The following FAT3 variants were observed in gnomAD, a reference collection of about 807,000 sequenced individuals.
FAT3 encodes protocadherin Fat 3.
A neutral mutation model predicts 310.2 loss-of-function variants in FAT3; 95 were observed. The ratio of observed to expected loss-of-function variants is 0.31; its 90% CI spans 0.26 to 0.36. FAT3 has a LOEUF of 0.36. Among genes scored for constraint, FAT3 ranks in the 10% least tolerant of loss-of-function variants. The probability of loss-of-function intolerance (pLI) is 1.00; values close to 1 mark genes in which losing one functional copy is unlikely to be tolerated. For synonymous variants in FAT3, 2,314 were observed against 2,192.9 expected (o/e 1.06, Z -1.54); for missense variants, 5,408 against 5,715.6 (o/e 0.95, Z 1.74).
intron 1 of FAT3, among the ~76,000 whole-genome samples, chr11:92,246,267 G>A (rs887396621): frequency 2.6e-5 from 4 of 152,060 alleles, no homozygotes; most frequent in Admixed American, 6.6e-5. Flanking sequence ...AAGAGGCTAC[G>A]AGGAAAACAA....
chr11:92,679,390 A>G (rs926792520), intron 3 of FAT3, among the ~76,000 whole-genome samples: 3 of 151,992 alleles, frequency 2.0e-5, no homozygotes, highest in African/African-American at 7.3e-5. Flanking sequence ...GTTTTCTATA[A>G]TGGCTAAACT....
chr11:92,665,507 C>A (rs2135806574), intron 3 of FAT3, among the ~76,000 whole-genome samples: 1 of 152,264 alleles, frequency 6.6e-6, no homozygotes, highest in Non-Finnish European at 1.5e-5. Flanking sequence ...TTTCAGAAGT[C>A]TCCTAGAGGT....
At chr11:92,417,965 A>C (rs1006376158) in intron 2 of FAT3, among the ~76,000 whole-genome samples, 1 of 152,114 alleles carries the variant, frequency 6.6e-6, no homozygotes, top group Non-Finnish European at 1.5e-5. Context: ...GTGCTTAATG[A>C]ATTCCTGTTG....
intron 19 of FAT3, among the ~76,000 whole-genome samples, chr11:92,854,131 G>T (rs1948907410): frequency 1.3e-5 from 2 of 152,186 alleles, no homozygotes; most frequent in Admixed American, 1.3e-4. Context: ...TGGGCCCAAG[G>T]TGGCAGCGGG....
rs1208420161 is a variant in FAT3 at position 92,706,836 on chromosome 11, ACT to A, written c.3669+9394_3669+9395del. ...TGAGCCTATGGCTGAGTCTTAAGAG[ACT>A]CTGTTGACATTGGAAATTACCACAT... On this transcript the variant is annotated intron_variant, in intron 4 of 27. Coordinates refer to ENST00000525166, the MANE Select transcript of FAT3 (RefSeq NM_001367949.2). 7.9e-5 allele frequency among the ~76,000 whole-genome samples: 12 copies of A among 152,224 alleles called. No homozygotes were observed. The South Asian group carries it at 2.5e-3, about 32-fold the overall frequency.
intron 2 of FAT3, among the ~76,000 whole-genome samples, chr11:92,395,450 C>T (rs1379504247): frequency 2.6e-5 from 4 of 152,194 alleles, no homozygotes; most frequent in Non-Finnish European, 5.9e-5. Context: ...CCAGCCTCAT[C>T]TCTTACCATG....
At chr11:92,437,817 T>G (rs562576098) in intron 2 of FAT3, among the ~76,000 whole-genome samples, 11 of 152,262 alleles carry the variant, frequency 7.2e-5, no homozygotes, top group African/African-American at 2.4e-4. Context: ...CAGTCTTGAA[T>G]GCCAGAACAT....
intron 1 of FAT3, among the ~76,000 whole-genome samples, chr11:92,335,040 G>A (rs2155150): frequency 0.11 from 16,023 of 152,134 alleles, 906 homozygotes; most frequent in South Asian, 0.16. Flanking sequence ...GTCTGATGAT[G>A]TCGCCACAAT....
At chr11:92,688,770 A>G (rs1256289042) in intron 3 of FAT3, among the ~76,000 whole-genome samples, 4 of 152,248 alleles carry the variant, frequency 2.6e-5, no homozygotes, top group South Asian at 2.1e-4. Context: ...AATGCATGCT[A>G]TGCTTCAAGT....
At chr11:92,423,345 A>G (rs17514109) in intron 2 of FAT3, among the ~76,000 whole-genome samples, 17,516 of 152,220 alleles carry the variant, frequency 0.12, 1,318 homozygotes, top group African/African-American at 0.21. Context: ...GCCATCATAA[A>G]GGTCAGTTTT....
At chr11:92,689,935 G>A (rs750182669) in intron 3 of FAT3, among the ~76,000 whole-genome samples, 27 of 152,150 alleles carry the variant, frequency 1.8e-4, no homozygotes, top group Non-Finnish European at 4.0e-4. Context: ...AATCAATCTA[G>A]TGTAGCAGTA....
At chr11:92,598,154 G>T (rs1447395565) in intron 3 of FAT3, among the ~76,000 whole-genome samples, 5 of 149,628 alleles carry the variant, frequency 3.3e-5, no homozygotes, top group African/African-American at 1.2e-4. Flanking sequence ...TCACATAAAA[G>T]CATAAAAGTT....
intron 2 of FAT3, among the ~76,000 whole-genome samples, chr11:92,460,608 T>C (rs1951611949): frequency 1.3e-5 from 2 of 152,194 alleles, no homozygotes; most frequent in Non-Finnish European, 2.9e-5. Flanking sequence ...CTGTGCATGC[T>C]TGCAGCCCAG....
In FAT3 at chr11:92,892,264, G is replaced by A. The variant is rs896828676; in HGVS notation, c.*1151G>A. 1 of 152,108 alleles carries A rather than the reference G, an allele frequency of 6.6e-6. No homozygotes were observed. The highest frequency in any genetic ancestry group is 1.5e-5 in the Non-Finnish European group (1 of 68,038). 9.4% of individuals were successfully genotyped at this position (152,108 alleles called of 1,614,324 possible). On this transcript the variant is annotated 3_prime_UTR_variant, in exon 28 of 28. Coordinates refer to ENST00000525166, the MANE Select transcript of FAT3 (RefSeq NM_001367949.2). Reference sequence around the variant, plus strand: ...AGGAAAGCTAATGTGAAGGTTTTGGGAAATGGACCATGTTGAAAATTCTGC... The same window carrying A: ...AGGAAAGCTAATGTGAAGGTTTTGGAAAATGGACCATGTTGAAAATTCTGC...
At chr11:92,393,543 G>A (rs1161559494) in intron 2 of FAT3, among the ~76,000 whole-genome samples, 1 of 152,092 alleles carries the variant, frequency 6.6e-6, no homozygotes, top group East Asian at 1.9e-4. Context: ...ATCAATGACC[G>A]ACATCTCGAT....
chr11:92,861,792 G>A (rs1281723712), intron 21 of FAT3, among the ~76,000 whole-genome samples: 1 of 152,212 alleles, frequency 6.6e-6, no homozygotes, highest in Non-Finnish European at 1.5e-5. Context: ...GGTACAGTAT[G>A]TGCCTTGCAC....
At chr11:92,696,120 C>T (rs1943932910) in intron 3 of FAT3, among the ~76,000 whole-genome samples, 1 of 114,474 alleles carries the variant, frequency 8.7e-6, no homozygotes, top group African/African-American at 3.3e-5. Context: ...TATATATATA[C>T]CATGTGTATA....
In FAT3 at chr11:92,355,216, A is replaced by G. The variant is rs557128937; in HGVS notation, c.3104A>G (p.Asn1035Ser). Residue 1035 changes from asparagine to serine, a missense_variant, in exon 2 of 28, where the codon AAT (asparagine) becomes AGT (serine). Asn to Ser is a conservative substitution (Grantham distance 46, BLOSUM62 1). Coordinates refer to ENST00000525166, the MANE Select transcript of FAT3 (RefSeq NM_001367949.2). ...GTTGAGGTGGAAGTGGTGGATGTCA[A>G]TGAAAACCTCCACACTCCCTATTTC... Reference protein sequence around the residue: ...SFVEVEVVDVNENLHTPYFPD... With the variant: ...SFVEVEVVDVSENLHTPYFPD... The G allele has an allele frequency of 4.3e-5, 70 of 1,613,774 alleles. No individual in the cohort carries two copies. The highest frequency in any genetic ancestry group is 1.5e-4 in the Admixed American group (9 of 59,928).
At chr11:92,882,585 T>TCCCCCCCCCCCCCCCCCCCCCCC (rs58520864) in intron 23 of FAT3, among the ~76,000 whole-genome samples, 153 bp from the exon 24 acceptor site, 3 of 93,174 alleles carry the variant, frequency 3.2e-5, no homozygotes, top group African/African-American at 1.3e-4. Flanking sequence ...TAACTCCCCC[T>TCCCCCCCCCCCCCCCCCCCCCCC]CCCCCCCCCC....
Sources: gnomAD v4.1 joint callset for allele counts (sites outside exome capture counted in the v4.1 genomes callset) on GRCh38, gnomAD v4.1.1 for gene constraint, MANE v1.5 for transcripts, NCBI Gene and HGNC (gene_info 2026-07-23, HGNC 2026-07-21) for gene names.